The following RERE variants were observed in gnomAD, a reference collection of about 807,000 sequenced individuals.
RERE encodes arginine-glutamic acid dipeptide repeats protein.
A neutral mutation model predicts 146.1 loss-of-function variants in RERE; 40 were observed. That is an observed-to-expected ratio of 0.27 (90% CI 0.21 to 0.36). The LOEUF (loss-of-function observed/expected upper bound fraction) is 0.36. RERE is among the 10% of genes least tolerant of loss of function. RERE has a pLI of 1.00. For synonymous variants in RERE, 1,003 were observed against 866.0 expected (o/e 1.16, Z -2.78); for missense variants, 1,933 against 2,138.7 (o/e 0.90, Z 1.90).
intron 1 of RERE, among the ~76,000 whole-genome samples, chr1:8,751,281 C>T (rs1640529576): frequency 6.6e-6 from 1 of 152,206 alleles, no homozygotes. Context: ...GGAAAAAACA[C>T]TTAGGACATG....
intron 12 of RERE, among the ~76,000 whole-genome samples, chr1:8,406,655 T>C (rs531859401): frequency 6.6e-6 from 1 of 152,314 alleles, no homozygotes; most frequent in South Asian, 2.1e-4. Context: ...AAATTATGCA[T>C]AGAATAACCC....
At chr1:8,401,753 T>C (rs1273608769) in intron 12 of RERE, among the ~76,000 whole-genome samples, 7 of 147,458 alleles carry the variant, frequency 4.7e-5, no homozygotes, top group Non-Finnish European at 9.0e-5. Context: ...CTAAACCCTA[T>C]CCAAAAAGAA....
At chr1:8,576,419 A>G (rs1429067844) in intron 4 of RERE, among the ~76,000 whole-genome samples, 1 of 152,230 alleles carries the variant, frequency 6.6e-6, no homozygotes, top group Non-Finnish European at 1.5e-5. Flanking sequence ...CTGTAAGGAT[A>G]AAAGCATGTT....
intron 1 of RERE, among the ~76,000 whole-genome samples, chr1:8,811,382 G>A (rs1041768638): frequency 6.6e-6 from 1 of 152,152 alleles, no homozygotes; most frequent in African/African-American, 2.4e-5. Flanking sequence ...CAAGGTAGGA[G>A]GATCACTTGA....
At chr1:8,698,718 C>T (rs1348165327) in intron 1 of RERE, among the ~76,000 whole-genome samples, 1 of 151,854 alleles carries the variant, frequency 6.6e-6, no homozygotes, top group Non-Finnish European at 1.5e-5. Context: ...CGCTATGTTG[C>T]CAAGGCTAGT....
chr1:8,751,015 TG>T, intron 1 of RERE: 2 of 636,350 alleles, frequency 3.1e-6, no homozygotes, highest in Non-Finnish European at 5.7e-6. Flanking sequence ...TCTAAACTAT[TG>T]GAAAATGCTT....
At chr1:8,739,768 T>G (rs1433480552) in intron 1 of RERE, among the ~76,000 whole-genome samples, 1 of 151,952 alleles carries the variant, frequency 6.6e-6, no homozygotes, top group African/African-American at 2.4e-5. Flanking sequence ...GGTCCTACCT[T>G]CTAAGTATTT....
intron 7 of RERE, among the ~76,000 whole-genome samples, chr1:8,539,654 T>G (rs1040269565): frequency 5.9e-5 from 9 of 152,170 alleles, no homozygotes; most frequent in African/African-American, 2.2e-4. Context: ...TCCGCCCGCC[T>G]TGGCCTCCAA....
intron 12 of RERE, among the ~76,000 whole-genome samples, chr1:8,374,149 C>G (rs916949653): frequency 6.6e-6 from 1 of 152,152 alleles, no homozygotes; most frequent in Non-Finnish European, 1.5e-5. Context: ...CCGCCACCCA[C>G]GAGGAAGCCC....
At chr1:8,374,008 G>A (rs546939848) in intron 12 of RERE, among the ~76,000 whole-genome samples, 2 of 152,330 alleles carry the variant, frequency 1.3e-5, no homozygotes, top group South Asian at 2.1e-4. Context: ...GCTGCTAATC[G>A]TTAAATATCA....
chr1:8,524,174 CA>C (rs1160038091), intron 7 of RERE, among the ~76,000 whole-genome samples: 1 of 152,112 alleles, frequency 6.6e-6, no homozygotes, highest in African/African-American at 2.4e-5. Context: ...GGTACCTCCC[CA>C]AAACTCCCCA....
intron 11 of RERE, among the ~76,000 whole-genome samples, chr1:8,449,294 A>C (rs554094582): frequency 1.6e-4 from 24 of 152,298 alleles, no homozygotes; most frequent in African/African-American, 5.5e-4. Flanking sequence ...TGTTACACTG[A>C]GAAAGCATCA....
intron 4 of RERE, among the ~76,000 whole-genome samples, chr1:8,558,397 T>G (rs1646032211): frequency 6.6e-6 from 1 of 152,142 alleles, no homozygotes; most frequent in African/African-American, 2.4e-5. Context: ...GCACTGAGGT[T>G]CCCTGCGGCC....
At chr1:8,634,012 A>G (rs1245068959) in intron 2 of RERE, among the ~76,000 whole-genome samples, 1 of 152,180 alleles carries the variant, frequency 6.6e-6, no homozygotes, top group East Asian at 1.9e-4. Context: ...TGCTGCCCCA[A>G]ACTATAACCA....
At chr1:8,405,764 G>A (rs1284221271) in intron 12 of RERE, among the ~76,000 whole-genome samples, 2 of 151,892 alleles carry the variant, frequency 1.3e-5, no homozygotes, top group Non-Finnish European at 2.9e-5. Flanking sequence ...TCATTTTCCT[G>A]AGTAGCTGGG....
intron 7 of RERE, among the ~76,000 whole-genome samples, chr1:8,514,887 A>G (rs1025452041): frequency 6.6e-6 from 1 of 152,240 alleles, no homozygotes; most frequent in African/African-American, 2.4e-5. Context: ...AAATTCATCT[A>G]GAAGACTCCA....
At chr1:8,452,212 C>G (rs1335771743) in intron 11 of RERE, among the ~76,000 whole-genome samples, 1 of 152,222 alleles carries the variant, frequency 6.6e-6, no homozygotes, top group Non-Finnish European at 1.5e-5. Context: ...AGGGAGCAAG[C>G]TGCTCACCTC....
chr1:8,796,115 A>G (rs1377597989), intron 1 of RERE, among the ~76,000 whole-genome samples: 3 of 152,074 alleles, frequency 2.0e-5, no homozygotes, highest in Non-Finnish European at 4.4e-5. Flanking sequence ...TTGTTTCTAG[A>G]GTTATAAATA....
chr1:8,567,536 C>G (rs1228184079), intron 4 of RERE, among the ~76,000 whole-genome samples: 1 of 152,132 alleles, frequency 6.6e-6, no homozygotes, highest in Admixed American at 6.5e-5. Flanking sequence ...TATTTTTACA[C>G]TTTAATATGG....
Sources: gnomAD v4.1 joint callset for allele counts (sites outside exome capture counted in the v4.1 genomes callset) on GRCh38, gnomAD v4.1.1 for gene constraint, MANE v1.5 for transcripts, NCBI Gene and HGNC (gene_info 2026-07-23, HGNC 2026-07-21) for gene names.